Variants in MYEF2 observed in about 807,000 individuals in gnomAD.
MYEF2 encodes myelin gene expression factor 2.
MYEF2 carries 37 observed loss-of-function variants against 75.2 expected under a neutral mutation model. The ratio of observed to expected loss-of-function variants is 0.49; its 90% CI spans 0.38 to 0.65. MYEF2 has a LOEUF of 0.65. Among genes scored for constraint, MYEF2 ranks in the 30% least tolerant of loss-of-function variants. The pLI is 0.00. For synonymous variants in MYEF2, 195 were observed against 241.6 expected, an observed-to-expected ratio of 0.81 and a Z score of 1.79; for missense variants, 634 against 771.4, an observed-to-expected ratio of 0.82 and a Z score of 2.11.
intron 9 of MYEF2, chr15:48,154,152 A>T: frequency 3.8e-6 from 1 of 260,208 alleles, no homozygotes. Context: ...ACTTAAAGGT[A>T]CACTGAGAGG....
Position 48,139,006 on chromosome 15 carries a change from A to C in MYEF2, c.*3902T>G. ...TTTTCAACATGCCTGAAGCAGACTT[A>C]AAAAGAATTTTTTGGGTATTATCCC... On this transcript the variant is annotated 3_prime_UTR_variant, in exon 17 of 17. Transcript: ENST00000324324. The C allele has an allele frequency of 6.2e-7, 1 of 1,612,992 alleles. No individual in the cohort carries two copies. Among genetic ancestry groups the C allele is most frequent in the Non-Finnish European group, 8.5e-7 (1 of 1,179,254 alleles).
In MYEF2 at chr15:48,168,917, T is replaced by C. The variant is rs1357461344; in HGVS notation, c.162-78A>G. 7.1e-6 allele frequency: 8 copies of C among 1,129,502 alleles called. No homozygotes were observed. In the South Asian group the frequency reaches 7.8e-5, roughly 11 times the overall value. The allele number at this position is 1,129,502 out of a possible 1,614,324, so 70.0% of individuals were successfully genotyped here. ...AATGGAAGTCTATATTAAATAAGTA[T>C]TCCATATTTATCACCTCACAAAACT... is the stretch of plus-strand genomic sequence containing the variant. On this transcript the variant is annotated intron_variant, in intron 1 of 16. Coordinates refer to ENST00000324324, the MANE Select transcript of MYEF2 (RefSeq NM_016132.5).
chr15:48,158,697 C>T, intron 7 of MYEF2, 72 bp downstream of exon 7: 1 of 1,566,034 alleles, frequency 6.4e-7, no homozygotes, highest in Non-Finnish European at 8.7e-7. Context: ...ATTCAATTAC[C>T]CCCCGCCAAA....
At chr15:48,167,451 A>T (rs761487495) in intron 2 of MYEF2, 50 bp from the exon 3 acceptor site, 30 of 1,558,774 alleles carry the variant, frequency 1.9e-5, no homozygotes, top group Non-Finnish European at 2.6e-5. Flanking sequence ...ACATTTAAAC[A>T]CCAGTATCTT....
chr15:48,146,644 T>C (rs931933821), intron 16 of MYEF2, among the ~76,000 whole-genome samples: 1 of 152,000 alleles, frequency 6.6e-6, no homozygotes. Flanking sequence ...TTATGGGAGA[T>C]GCAAGGAGTA....
At chr15:48,146,247 T>C (rs1432394376) in intron 16 of MYEF2, among the ~76,000 whole-genome samples, 1 of 151,874 alleles carries the variant, frequency 6.6e-6, no homozygotes, top group African/African-American at 2.4e-5. Context: ...CAATACTAAA[T>C]AGGTTAATTT....
Position 48,138,151 on chromosome 15 carries a change from A to G in MYEF2, c.*4757T>C, listed in dbSNP as rs1350708365. On this transcript the variant is annotated 3_prime_UTR_variant, in exon 17 of 17. Transcript: ENST00000324324. ...TTATGTTAAAATTATATCTAATATT[A>G]CTTAATGGCACATTGGTTGAAGCTT... 1 of 152,098 alleles carries G rather than the reference A, an allele frequency of 6.6e-6. No homozygotes were observed. The highest frequency in any genetic ancestry group is 1.5e-5 in the Non-Finnish European group (1 of 67,976). 9.4% of individuals were successfully genotyped at this position (152,098 alleles called of 1,614,324 possible). A position where few individuals can be genotyped will look rare whatever the true frequency, so the allele number is the denominator to read the frequency against.
At chr15:48,154,468 T>C (rs1236788883) in intron 9 of MYEF2, among the ~76,000 whole-genome samples, 5 of 152,130 alleles carry the variant, frequency 3.3e-5, no homozygotes, top group Admixed American at 3.3e-4. Flanking sequence ...GTTGCTTGCA[T>C]AATGACATGT....
chr15:48,160,684 G>GAAGT (rs3050672), intron 5 of MYEF2, among the ~76,000 whole-genome samples: 140,445 of 151,900 alleles, frequency 0.92, 65,657 homozygotes, highest in Non-Finnish European at 1. Context: ...AGGCTAAGAT[G>GAAGT]AAGTGTAAAG....
rs781280795 is a variant in MYEF2, at chr15:48,154,062, C to G, written c.986-169G>C. 2.1e-5 allele frequency: 11 copies of G among 532,286 alleles called. No homozygotes were observed. The East Asian group carries it at 3.3e-4, about 16-fold the overall frequency. 33.0% of individuals were successfully genotyped at this position (532,286 alleles called of 1,614,324 possible). A position where few individuals can be genotyped will look rare whatever the true frequency, so the allele number is the denominator to read the frequency against. ...TTGTCTAGAAAGTAGCACACTGAAG[C>G]CCGACTATAAAACCATTTATTAATG... On this transcript the variant is annotated intron_variant, in intron 9 of 16. Coordinates refer to ENST00000324324, the MANE Select transcript of MYEF2 (RefSeq NM_016132.5).
chr15:48,169,046 G>T (rs368098676), intron 1 of MYEF2, among the ~76,000 whole-genome samples: 2 of 152,236 alleles, frequency 1.3e-5, no homozygotes, highest in East Asian at 1.9e-4. Context: ...TCATTTAACA[G>T]TCCTCATTTT....
intron 2 of MYEF2, 93 bp from the exon 3 acceptor site, chr15:48,167,494 A>C (rs1486331337): frequency 9.0e-7 from 1 of 1,108,904 alleles, no homozygotes; most frequent in Non-Finnish European, 1.3e-6. Flanking sequence ...AACTCTACAG[A>C]GAAGCACCTA....
chr15:48,161,391 T>C (rs2039936089), intron 5 of MYEF2, among the ~76,000 whole-genome samples: 1 of 152,036 alleles, frequency 6.6e-6, no homozygotes. Context: ...CCTTAGACTT[T>C]CCTCAGTAGC....
chr15:48,138,822 A>G lies in MYEF2; in HGVS notation c.*4086T>C, dbSNP rs1351058547. On this transcript the variant is annotated 3_prime_UTR_variant, in exon 17 of 17. Coordinates refer to ENST00000324324, the MANE Select transcript of MYEF2 (RefSeq NM_016132.5). ...TTCAATTAGTTTCTTTTCACCAGCA[A>G]TATCAGTAATGAGGTACTCAAATGT... is the stretch of plus-strand genomic sequence containing the variant. The G allele has an allele frequency of 3.3e-6, 2 of 606,614 alleles. No individual in the cohort carries two copies. Among genetic ancestry groups the G allele is most frequent in the Non-Finnish European group, 5.9e-6 (2 of 340,366 alleles). The allele number at this position is 606,614 out of a possible 1,614,324, so 37.6% of individuals were successfully genotyped here. A position where few individuals can be genotyped will look rare whatever the true frequency, so the allele number is the denominator to read the frequency against.
rs572410930 is a variant in MYEF2 at position 48,143,322 on chromosome 15, G to A, written c.1640-251C>T. ...TTAGGATTTAATGTATTTTATTTAT[G>A]TTAAATCCCTAATTCCTGAGGTTAA... On this transcript the variant is annotated intron_variant, in intron 16 of 16. Transcript: ENST00000324324. 4.6e-5 allele frequency among the ~76,000 whole-genome samples: 7 copies of A among 152,076 alleles called. No individual in the cohort carries two copies. The South Asian group carries it at 1.5e-3, about 32-fold the overall frequency.
chr15:48,147,160 T>C (rs2039315877), intron 16 of MYEF2, among the ~76,000 whole-genome samples: 1 of 151,988 alleles, frequency 6.6e-6, no homozygotes, highest in Non-Finnish European at 1.5e-5. Context: ...AAAAATTTTC[T>C]ATGTAGATTT....
At chr15:48,168,977 G>A in intron 1 of MYEF2, 138 bp from the exon 2 acceptor site, 1 of 653,542 alleles carries the variant, frequency 1.5e-6, no homozygotes, top group Middle Eastern at 4.1e-4. Context: ...AGTAGCTGGA[G>A]AATCAGCCTG....
At position 48,136,666 on chromosome 15, in the gene MYEF2, A is replaced by G; in HGVS notation, c.*6242T>C. The stretch of plus-strand genomic sequence containing the variant: ...ACTTTCACTTTTAATTTAAAAACAC[A>G]AATTTCTCTTTTGTAGGTATGAAGG... On this transcript the variant is annotated 3_prime_UTR_variant, in exon 17 of 17. Transcript: ENST00000324324. 6.3e-7 allele frequency: 1 copy of G among 1,575,176 alleles called. No homozygotes were observed. The highest frequency in any genetic ancestry group is 8.6e-7 in the Non-Finnish European group (1 of 1,161,900).
rs781281109 is a variant in MYEF2 at position 48,141,857 on chromosome 15, A to C, written c.*1051T>G. On this transcript the variant is annotated 3_prime_UTR_variant, in exon 17 of 17. Coordinates refer to ENST00000324324, the MANE Select transcript of MYEF2 (RefSeq NM_016132.5). ...TTAAATAAATGTTAAGACTTTAAAT[A>C]CTAACCCAAGAAAAATTTAAAAATA... is the stretch of plus-strand genomic sequence containing the variant. 2.0e-5 allele frequency: 9 copies of C among 453,564 alleles called. No homozygotes were observed. Among genetic ancestry groups the C allele is most frequent in the Non-Finnish European group, 3.5e-5 (9 of 258,894 alleles). 28.1% of individuals were successfully genotyped at this position (453,564 alleles called of 1,614,324 possible).
Sources: allele counts gnomAD v4.1 joint callset (sites outside exome capture counted in the v4.1 genomes callset), GRCh38; gene constraint gnomAD v4.1.1; transcripts MANE v1.5; gene names NCBI Gene and HGNC (gene_info 2026-07-23, HGNC 2026-07-21).